SDK1: variants seen among roughly 807,000 people sequenced by gnomAD.
The protein encoded by SDK1 is sidekick cell adhesion molecule 1, also known as protein sidekick-1.
A neutral mutation model predicts 245.5 loss-of-function variants in SDK1; 157 were observed. That is an observed-to-expected ratio of 0.64 (90% CI 0.56 to 0.73). SDK1 has a LOEUF of 0.73. Ranked by LOEUF, SDK1 falls within the 30% of genes least tolerant of loss-of-function variation. SDK1 has a pLI of 0.00. For synonymous variants in SDK1, 1,647 were observed against 1,278.5 expected (o/e 1.29, Z -6.15); for missense variants, 3,583 against 3,002.3 (o/e 1.19, Z -4.52).
intron 1 of SDK1, among the ~76,000 whole-genome samples, chr7:3,368,067 A>G (rs1021883500): frequency 1.3e-5 from 2 of 152,230 alleles, no homozygotes; most frequent in African/African-American, 2.4e-5. Context: ...AGAGAAAACA[A>G]TCTGCAATAA....
At chr7:4,213,834 C>A (rs1049963379) in intron 38 of SDK1, among the ~76,000 whole-genome samples, 2 of 152,278 alleles carry the variant, frequency 1.3e-5, no homozygotes, top group African/African-American at 4.8e-5. Flanking sequence ...ACAGTTTTTG[C>A]ATCACTGGGA....
intron 4 of SDK1, among the ~76,000 whole-genome samples, chr7:3,742,351 A>G (rs780804327): frequency 6.6e-6 from 1 of 152,104 alleles, no homozygotes; most frequent in Non-Finnish European, 1.5e-5. Flanking sequence ...GTCTGCCTGA[A>G]ACATAAAATT....
intron 1 of SDK1, among the ~76,000 whole-genome samples, chr7:3,494,878 T>C (rs888937704): frequency 6.6e-6 from 1 of 152,232 alleles, no homozygotes; most frequent in African/African-American, 2.4e-5. Flanking sequence ...TTCTTTACAC[T>C]TCTGCTCCCA....
intron 4 of SDK1, among the ~76,000 whole-genome samples, chr7:3,689,013 C>A (rs116474175): frequency 2.6e-5 from 4 of 152,190 alleles, no homozygotes; most frequent in Non-Finnish European, 5.9e-5. Context: ...GCTATACTTG[C>A]GTTCCTGTAA....
chr7:3,845,094 G>A (rs973042527), intron 5 of SDK1, among the ~76,000 whole-genome samples: 2 of 152,168 alleles, frequency 1.3e-5, no homozygotes, highest in Admixed American at 6.5e-5. Flanking sequence ...AGCGGAGGTC[G>A]CGAGAGCCAG....
In SDK1 at chr7:3,474,210, C is replaced by G. The variant is rs1382996257; in HGVS notation, c.299-144870C>G. 2.8e-5 allele frequency among the ~76,000 whole-genome samples: 4 copies of G among 142,510 alleles called. No individual in the cohort carries two copies. The Admixed American group carries it at 3.0e-4, about 11-fold the overall frequency. 93.5% of individuals were successfully genotyped at this position (142,510 alleles called of 152,430 possible). ...CTCTGCCTCCTGGGTTCAAACAGTT[C>G]TCCTGCCTCAGCCTCCCAAGTAGTG... On this transcript the variant is annotated intron_variant, in intron 1 of 44. Coordinates refer to ENST00000404826, the MANE Select transcript of SDK1 (RefSeq NM_152744.4).
At chr7:3,987,126 C>T in intron 13 of SDK1, 60 bp from the exon 14 acceptor site, 1 of 1,574,138 alleles carries the variant, frequency 6.4e-7, no homozygotes, top group Non-Finnish European at 8.7e-7. Context: ...AGAGCTCAGG[C>T]TCACCATGGA....
At chr7:3,581,891 C>T (rs1562579233) in intron 1 of SDK1, among the ~76,000 whole-genome samples, 1 of 152,236 alleles carries the variant, frequency 6.6e-6, no homozygotes, top group East Asian at 1.9e-4. Context: ...CAAACTAACA[C>T]AGGAACAGAA....
chr7:4,209,779 C>G (rs1784419235), intron 37 of SDK1, among the ~76,000 whole-genome samples: 1 of 152,178 alleles, frequency 6.6e-6, no homozygotes, highest in Non-Finnish European at 1.5e-5. Flanking sequence ...CGTTTTGTCT[C>G]TCAAGCCCCT....
intron 4 of SDK1, among the ~76,000 whole-genome samples, chr7:3,680,555 G>A (rs926061586): frequency 2.0e-5 from 3 of 152,108 alleles, no homozygotes; most frequent in African/African-American, 7.2e-5. Flanking sequence ...AGTTACATAA[G>A]GTTTTACTTT....
chr7:3,983,477 T>C (rs1562617831), intron 13 of SDK1, among the ~76,000 whole-genome samples: 1 of 140,324 alleles, frequency 7.1e-6, no homozygotes, highest in East Asian at 2.0e-4. Context: ...ATGATCACCT[T>C]TTTTAGCATG....
chr7:3,517,531 G>A lies in SDK1; in HGVS notation c.299-101549G>A, dbSNP rs76471558. Among the ~76,000 whole-genome samples, 1,194 of 152,252 alleles carry A rather than the reference G, an allele frequency of 7.8e-3. 16 individuals carry two copies. The highest frequency in any genetic ancestry group is 0.026 in the African/African-American group (1,100 of 41,550). On this transcript the variant is annotated intron_variant, in intron 1 of 44. Coordinates refer to ENST00000404826, the MANE Select transcript of SDK1 (RefSeq NM_152744.4). The stretch of plus-strand genomic sequence containing the variant: ...GCTTCCTGCAGGAATGTATTGACCT[G>A]TTGCATTAGGAAATAGCCCACAACG...
intron 35 of SDK1, among the ~76,000 whole-genome samples, chr7:4,198,932 G>A (rs1041035830): frequency 6.6e-6 from 1 of 151,356 alleles, no homozygotes; most frequent in African/African-American, 2.4e-5. Flanking sequence ...TCCTGCCTCA[G>A]CCTCCAGAGT....
At chr7:4,188,996 CT>C (rs1783043350) in intron 35 of SDK1, among the ~76,000 whole-genome samples, 2 of 152,082 alleles carry the variant, frequency 1.3e-5, no homozygotes, top group African/African-American at 4.8e-5. Context: ...TCTTATTCCT[CT>C]TTGTTTTCTA....
intron 4 of SDK1, among the ~76,000 whole-genome samples, chr7:3,710,716 A>C (rs1236893073): frequency 6.6e-6 from 1 of 152,224 alleles, no homozygotes. Context: ...GGGCTCCTGG[A>C]TGATTGGGAA....
At chr7:3,467,453 G>T (rs1044138785) in intron 1 of SDK1, among the ~76,000 whole-genome samples, 1 of 151,870 alleles carries the variant, frequency 6.6e-6, no homozygotes, top group African/African-American at 2.4e-5. Flanking sequence ...TATACAAAAA[G>T]TAAAAATATA....
chr7:3,317,618 C>G (rs1420068358), intron 1 of SDK1, among the ~76,000 whole-genome samples: 1 of 152,120 alleles, frequency 6.6e-6, no homozygotes, highest in Non-Finnish European at 1.5e-5. Context: ...TCCTTCCCTA[C>G]CTGTATTAAG....
chr7:3,788,000 G>A (rs938440102), intron 4 of SDK1, among the ~76,000 whole-genome samples: 6 of 152,176 alleles, frequency 3.9e-5, no homozygotes, highest in East Asian at 1.9e-4. Context: ...TGGGAGGACC[G>A]GAGGGCAGGC....
At chr7:3,769,542 C>G (rs1262338039) in intron 4 of SDK1, among the ~76,000 whole-genome samples, 1 of 152,188 alleles carries the variant, frequency 6.6e-6, no homozygotes, top group Non-Finnish European at 1.5e-5. Context: ...TCTCTCAATA[C>G]TATCACATTG....
Sources: allele counts gnomAD v4.1 joint callset (sites outside exome capture counted in the v4.1 genomes callset), GRCh38; gene constraint gnomAD v4.1.1; transcripts MANE v1.5; gene names NCBI Gene and HGNC (gene_info 2026-07-23, HGNC 2026-07-21).